The following NAV3 variants were observed in gnomAD, a reference collection of about 807,000 sequenced individuals.
NAV3 encodes pore membrane and/or filament interacting like protein 1.
A neutral mutation model predicts 244.7 loss-of-function variants in NAV3; 87 were observed. The observed-to-expected ratio is 0.36, with a 90% CI of 0.30 to 0.42. The LOEUF (loss-of-function observed/expected upper bound fraction) is 0.42, where lower values mean the gene tolerates loss of function less well. Ranked by LOEUF, NAV3 falls within the 20% of genes least tolerant of loss-of-function variation. NAV3 has a pLI of 1.00. For missense variants in NAV3, 2,663 were observed against 2,893.3 expected (o/e 0.92, Z 1.83); for synonymous variants, 1,126 against 1,042.2 (o/e 1.08, Z -1.55).
At chr12:77,727,650 A>G (rs1047652714) in intron 2 of NAV3, among the ~76,000 whole-genome samples, 1 of 151,860 alleles carries the variant, frequency 6.6e-6, no homozygotes, top group Admixed American at 6.6e-5. Context: ...GTGATATGAC[A>G]GGGCCCAGGT....
At chr12:78,056,840 T>A (rs1167119011) in intron 11 of NAV3, among the ~76,000 whole-genome samples, 2 of 152,334 alleles carry the variant, frequency 1.3e-5, no homozygotes, top group Non-Finnish European at 2.9e-5. Context: ...AAAGGCTCAA[T>A]AAGGTAGTAA....
At chr12:77,945,628 A>G (rs750384029) in intron 3 of NAV3, among the ~76,000 whole-genome samples, 6 of 152,200 alleles carry the variant, frequency 3.9e-5, no homozygotes, top group Non-Finnish European at 5.9e-5. Flanking sequence ...GTAGAAAAGA[A>G]AGTATATTAA....
At chr12:77,747,223 A>G (rs891703580) in intron 2 of NAV3, among the ~76,000 whole-genome samples, 1 of 152,186 alleles carries the variant, frequency 6.6e-6, no homozygotes, top group Admixed American at 6.6e-5. Flanking sequence ...TTTTGGCTGC[A>G]TAAATGTCTT....
chr12:78,012,086 C>G lies in NAV3; in HGVS notation c.1907+4641C>G, dbSNP rs534149432. On this transcript the variant is annotated intron_variant, in intron 8 of 39. Transcript: ENST00000397909. Reference sequence around the variant, plus strand: ...TTGAGATGAGATTTGTGTAGGGACACAGAGCCAAACCATATAAGATACTAA... The same window carrying G: ...TTGAGATGAGATTTGTGTAGGGACAGAGAGCCAAACCATATAAGATACTAA... 5.9e-5 allele frequency among the ~76,000 whole-genome samples: 9 copies of G among 152,140 alleles called. No individual in the cohort carries two copies. In the East Asian group the frequency reaches 1.7e-3, roughly 29 times the overall value.
rs75307260 is a variant in NAV3 at position 77,767,521 on chromosome 12, G to T, written c.73-172798G>T. Among the ~76,000 whole-genome samples, 867 of 152,322 alleles carry T rather than the reference G, an allele frequency of 5.7e-3. 12 individuals carry two copies. The highest frequency in any genetic ancestry group is 0.02 in the African/African-American group (827 of 41,576). ...TGGAGCCAGGGATGGAGTGGCAAGGGATGTGTGAGTAGGTGAGTGTGGGGT... is the reference window on the plus strand; with the variant it reads ...TGGAGCCAGGGATGGAGTGGCAAGGTATGTGTGAGTAGGTGAGTGTGGGGT... On this transcript the variant is annotated intron_variant, in intron 2 of 8. Transcript: ENST00000550042.
chr12:77,623,250 A>G (rs1406863047), intron 2 of NAV3, among the ~76,000 whole-genome samples: 2 of 152,230 alleles, frequency 1.3e-5, no homozygotes, highest in South Asian at 4.1e-4. Context: ...TCAAAAATAA[A>G]ATAACAAAAT....
chr12:78,103,076 G>T (rs1334832006), intron 12 of NAV3, among the ~76,000 whole-genome samples: 1 of 152,042 alleles, frequency 6.6e-6, no homozygotes, highest in Non-Finnish European at 1.5e-5. Flanking sequence ...TCAAAAAATG[G>T]GTTTTTCTTT....
At chr12:77,694,363 C>T (rs1183756449) in intron 2 of NAV3, among the ~76,000 whole-genome samples, 1 of 151,560 alleles carries the variant, frequency 6.6e-6, no homozygotes, top group Non-Finnish European at 1.5e-5. Flanking sequence ...GTCCCAGCTA[C>T]TCAGGAGGCT....
At chr12:78,188,434 T>C in intron 32 of NAV3, 91 bp downstream of exon 32, 2 of 1,228,674 alleles carry the variant, frequency 1.6e-6, no homozygotes, top group Non-Finnish European at 2.3e-6. Context: ...CACATCTTCT[T>C]TTCCTCTCCT....
At chr12:77,864,655 C>T (rs1237498985) in intron 1 of NAV3, among the ~76,000 whole-genome samples, 1 of 151,842 alleles carries the variant, frequency 6.6e-6, no homozygotes, top group Non-Finnish European at 1.5e-5. Context: ...AACTTTTTTC[C>T]TATTTGAAGT....
chr12:77,603,735 A>G lies in NAV3; in HGVS notation c.72+31469A>G, dbSNP rs117588103. Among the ~76,000 whole-genome samples, 650 of 152,170 alleles carry G rather than the reference A, an allele frequency of 4.3e-3. 10 individuals are homozygous for G. Among genetic ancestry groups the G allele is most frequent in the Admixed American group, 3.8e-3 (58 of 15,246 alleles). On this transcript the variant is annotated intron_variant, in intron 2 of 8. Coordinates refer to the NAV3 transcript ENST00000550042. ...TGAACCTTGAATTGTGGGTGGATCG[A>G]TAATGAATTATATTCTTCCTCCTTC...
chr12:77,585,697 C>G (rs1024539122), intron 2 of NAV3, among the ~76,000 whole-genome samples: 2 of 152,108 alleles, frequency 1.3e-5, no homozygotes, highest in Non-Finnish European at 2.9e-5. Flanking sequence ...AGGAGGTGAT[C>G]GGGCAGTAAT....
Position 78,179,509 on chromosome 12 carries a change from CTGTT to C in NAV3, c.5364-14_5364-11del, listed in dbSNP as rs1230638780. ...CTCTGGCTTCCCCAGGCCACTGATT[CTGTT>C]TGTTTCCTTCTTCAGGATCTGTGAA... On this transcript the variant is annotated splice_polypyrimidine_tract_variant and intron_variant, in intron 28 of 39. Coordinates refer to ENST00000397909, the MANE Select transcript of NAV3 (RefSeq NM_001024383.2). 1 of 1,612,710 alleles carries C rather than the reference CTGTT, an allele frequency of 6.2e-7. No homozygotes were observed. The highest frequency in any genetic ancestry group is 8.5e-7 in the Non-Finnish European group (1 of 1,179,236).
intron 2 of NAV3, among the ~76,000 whole-genome samples, chr12:77,695,703 A>G (rs1166408846): frequency 6.6e-6 from 1 of 152,112 alleles, no homozygotes; most frequent in Admixed American, 6.6e-5. Context: ...TCCCCATCCC[A>G]TATATATTGC....
intron 9 of NAV3, among the ~76,000 whole-genome samples, chr12:78,045,511 T>C (rs955317673): frequency 6.6e-6 from 1 of 152,154 alleles, no homozygotes; most frequent in African/African-American, 2.4e-5. Flanking sequence ...GCCAGGATTG[T>C]CTCAAACTCC....
intron 2 of NAV3, among the ~76,000 whole-genome samples, chr12:77,777,574 A>G (rs560787221): frequency 1.3e-5 from 2 of 152,280 alleles, no homozygotes; most frequent in African/African-American, 4.8e-5. Flanking sequence ...TGAATTGTTT[A>G]TTTTTGTAAT....
At chr12:78,178,414 G>C (rs772028676) in intron 28 of NAV3, among the ~76,000 whole-genome samples, 1 of 151,876 alleles carries the variant, frequency 6.6e-6, no homozygotes, top group Non-Finnish European at 1.5e-5. Flanking sequence ...ACCCACCTCG[G>C]CCTCCCAAAG....
At chr12:77,969,142 ATGTG>A (rs3078729) in intron 5 of NAV3, among the ~76,000 whole-genome samples, 4,743 of 147,664 alleles carry the variant, frequency 0.032, 90 homozygotes, top group Middle Eastern at 0.055. Context: ...AGTGTTTTTG[ATGTG>A]TGTGTGTGTG....
At chr12:77,813,836 C>CT (rs1184180072) in intron 2 of NAV3, among the ~76,000 whole-genome samples, 1 of 152,178 alleles carries the variant, frequency 6.6e-6, no homozygotes, top group African/African-American at 2.4e-5. Flanking sequence ...GTGGCACACT[C>CT]TAATACTTTA....
Sources: gnomAD v4.1 joint callset for allele counts (sites outside exome capture counted in the v4.1 genomes callset) on GRCh38, gnomAD v4.1.1 for gene constraint, MANE v1.5 for transcripts, NCBI Gene and HGNC (gene_info 2026-07-23, HGNC 2026-07-21) for gene names.